MAST4: variants seen among roughly 807,000 people sequenced by gnomAD.
MAST4 encodes the protein microtubule-associated serine/threonine-protein kinase 4.
Under a neutral mutation model 162.7 loss-of-function variants are expected in MAST4, and 89 were observed. That is an observed-to-expected ratio of 0.55 (90% CI 0.46 to 0.65). The LOEUF (loss-of-function observed/expected upper bound fraction) is 0.65. Among genes scored for constraint, MAST4 ranks in the 30% least tolerant of loss-of-function variants. The probability of loss-of-function intolerance (pLI) is 0.00; values close to 1 mark genes in which losing one functional copy is unlikely to be tolerated. For missense variants in MAST4, 3,153 were observed against 3,374.0 expected, an observed-to-expected ratio of 0.93 and a Z score of 1.62; for synonymous variants, 1,479 against 1,361.1, an observed-to-expected ratio of 1.09 and a Z score of -1.91.
At position 67,153,481 on chromosome 5, in the gene MAST4, A is replaced by G. The variant is rs776455603; in HGVS notation, c.3549A>G (p.Ala1183=). The change falls in exon 26 of 29, where the codon GCA becomes GCG. Residue 1183 remains alanine, a synonymous_variant. Transcript: ENST00000403625. Reference sequence around the variant, plus strand: ...AGAATGTAGAAGAAGGAAGTCCGGCATGCCAGGCAGGACTGAAGGCTGGAG... The same window carrying G: ...AGAATGTAGAAGAAGGAAGTCCGGCGTGCCAGGCAGGACTGAAGGCTGGAG... ...IVWNVEEGSP[A]CQAGLKAGDL... is the part of the protein sequence containing the mutation. 3.1e-6 allele frequency: 5 copies of G among 1,604,678 alleles called. No individual in the cohort carries two copies. The highest frequency in any genetic ancestry group is 4.3e-6 in the Non-Finnish European group (5 of 1,175,394).
intron 3 of MAST4, among the ~76,000 whole-genome samples, chr5:66,866,916 T>TTTTGTTTG (rs36034288): frequency 6.6e-6 from 1 of 150,650 alleles, no homozygotes; most frequent in Non-Finnish European, 1.5e-5. Context: ...CGGCAGGCTT[T>TTTTGTTTG]TTTGTTTGTT....
At chr5:67,078,945 T>C (rs1473442551) in intron 5 of MAST4, among the ~76,000 whole-genome samples, 9 of 101,848 alleles carry the variant, frequency 8.8e-5, no homozygotes, top group Non-Finnish European at 1.6e-4. Flanking sequence ...TATATATATA[T>C]ATATATGGCA....
At chr5:67,132,061 G>T (rs1369958387) in intron 16 of MAST4, 110 bp downstream of exon 16, 16 of 1,230,900 alleles carry the variant, frequency 1.3e-5, no homozygotes, top group Non-Finnish European at 1.8e-5. Flanking sequence ...ATTCCATAAT[G>T]TCCAAAATGA....
At position 66,845,126 on chromosome 5, in the gene MAST4, T is replaced by TATATATATATATAC. The variant is rs1358855625; in HGVS notation, c.643-54824_643-54823insTATATATATATACA. ...ATATATATATATATATATATATATATACACACACACACTTGAAGTTCTAGG... is the reference window on the plus strand; with the variant it reads ...ATATATATATATATATATATATATATATATATATATATACACACACACACACTTGAAGTTCTAGG... On this transcript the variant is annotated intron_variant, in intron 3 of 28. Transcript: ENST00000403625. 2.9e-3 allele frequency among the ~76,000 whole-genome samples: 192 copies of TATATATATATATAC among 67,064 alleles called. 3 individuals carry two copies. The highest frequency in any genetic ancestry group is 4.8e-3 in the East Asian group (6 of 1,244). 44.0% of individuals were successfully genotyped at this position (67,064 alleles called of 152,430 possible). A position where few individuals can be genotyped will look rare whatever the true frequency, so the allele number is the denominator to read the frequency against.
chr5:66,735,219 A>G (rs979233454), intron 1 of MAST4, among the ~76,000 whole-genome samples: 2 of 152,198 alleles, frequency 1.3e-5, no homozygotes, highest in Non-Finnish European at 2.9e-5. Context: ...TCAGCTTGCT[A>G]TCTTGGAACT....
intron 2 of MAST4, 63 bp from the exon 3 acceptor site, chr5:66,788,607 C>CCCAGCCAAAAAA: frequency 7.3e-7 from 1 of 1,373,728 alleles, no homozygotes; most frequent in Non-Finnish European, 1.0e-6. Flanking sequence ...CCCCCACCCC[C>CCCAGCCAAAAAA]ATTGCAATAA....
chr5:66,831,950 T>G (rs1757629855), intron 3 of MAST4, among the ~76,000 whole-genome samples: 1 of 152,200 alleles, frequency 6.6e-6, no homozygotes, highest in South Asian at 2.1e-4. Context: ...GTGGATCATA[T>G]TTTTTAACTG....
At chr5:66,754,296 G>C (rs1019877329) in intron 1 of MAST4, among the ~76,000 whole-genome samples, 2 of 152,066 alleles carry the variant, frequency 1.3e-5, no homozygotes, top group Non-Finnish European at 2.9e-5. Flanking sequence ...AAAGTTCAAT[G>C]GTTATTTAGG....
intron 1 of MAST4, among the ~76,000 whole-genome samples, chr5:66,604,857 A>G (rs569015768): frequency 6.6e-6 from 1 of 152,342 alleles, no homozygotes; most frequent in African/African-American, 2.4e-5. Context: ...GTGGTAGGGA[A>G]ACTAAGTCAA....
chr5:66,700,218 A>T (rs1422625406), intron 1 of MAST4, among the ~76,000 whole-genome samples: 1 of 152,206 alleles, frequency 6.6e-6, no homozygotes, highest in African/African-American at 2.4e-5. Context: ...CGAAAAGCAG[A>T]ATTATATTAC....
chr5:67,093,920 A>G (rs1581534338), intron 6 of MAST4, among the ~76,000 whole-genome samples: 2 of 152,200 alleles, frequency 1.3e-5, no homozygotes, highest in South Asian at 4.1e-4. Flanking sequence ...TTAACTGTTT[A>G]ATAAGTAGCC....
chr5:66,837,894 A>ATATTTT (rs1554057455), intron 3 of MAST4, among the ~76,000 whole-genome samples: 4 of 53,712 alleles, frequency 7.4e-5, no homozygotes, highest in East Asian at 8.0e-4. Context: ...ATATATATAT[A>ATATTTT]TTTTTTTTTT....
chr5:66,714,611 A>C (rs1038510143), intron 1 of MAST4, among the ~76,000 whole-genome samples: 4 of 152,204 alleles, frequency 2.6e-5, no homozygotes, highest in African/African-American at 4.8e-5. Flanking sequence ...TTGTTTCTCC[A>C]CTGAAAGTGA....
At chr5:67,101,794 A>G (rs1002780728) in intron 8 of MAST4, among the ~76,000 whole-genome samples, 4 of 151,966 alleles carry the variant, frequency 2.6e-5, no homozygotes, top group African/African-American at 9.7e-5. Flanking sequence ...TACAGGCACC[A>G]TGTTTTACTA....
chr5:67,026,814 G>A (rs1754704591), intron 4 of MAST4, among the ~76,000 whole-genome samples: 1 of 152,040 alleles, frequency 6.6e-6, no homozygotes, highest in South Asian at 2.1e-4. Context: ...ATGACTCATG[G>A]AGCCTGACAC....
In MAST4 at chr5:66,879,718, G is replaced by A. The variant is rs1025749829; in HGVS notation, c.643-20233G>A. On this transcript the variant is annotated intron_variant, in intron 3 of 28. Coordinates refer to ENST00000403625, the MANE Select transcript of MAST4 (RefSeq NM_001164664.2). ...TGTAGAGATGGGATTTCGCGATGAC[G>A]CCCAGGCTGGTCTCAAACTCCTGGG... Among the ~76,000 whole-genome samples, 19 of 152,240 alleles carry A rather than the reference G, an allele frequency of 1.2e-4. No individual in the cohort carries two copies. In the East Asian group the frequency reaches 2.7e-3, roughly 22 times the overall value.
At chr5:67,100,900 T>C (rs1764950115) in intron 8 of MAST4, among the ~76,000 whole-genome samples, 3 of 152,252 alleles carry the variant, frequency 2.0e-5, no homozygotes, top group South Asian at 2.1e-4. Context: ...AATGTTGTTA[T>C]GTTAAGAGGC....
At chr5:66,747,542 A>G (rs1322748139) in intron 1 of MAST4, among the ~76,000 whole-genome samples, 4 of 152,188 alleles carry the variant, frequency 2.6e-5, no homozygotes, top group Non-Finnish European at 4.4e-5. Context: ...TGCTCAGCAA[A>G]TTATTTGCTT....
chr5:67,055,098 G>A (rs1275873428), intron 5 of MAST4, among the ~76,000 whole-genome samples: 1 of 152,042 alleles, frequency 6.6e-6, no homozygotes, highest in Non-Finnish European at 1.5e-5. Flanking sequence ...AGAGTTTAAA[G>A]GAGCCATTTG....
Sources: allele counts gnomAD v4.1 joint callset (sites outside exome capture counted in the v4.1 genomes callset), GRCh38; gene constraint gnomAD v4.1.1; transcripts MANE v1.5; gene names NCBI Gene and HGNC (gene_info 2026-07-23, HGNC 2026-07-21).